Variants in PCDH15 observed in about 807,000 individuals in gnomAD.
PCDH15 encodes protocadherin related 15, also known as protocadherin-15.
PCDH15 carries 129 observed loss-of-function variants against 178.5 expected under a neutral mutation model. The observed-to-expected ratio is 0.72, with a 90% CI of 0.63 to 0.84. PCDH15 has a LOEUF of 0.84. Among genes scored for constraint, PCDH15 ranks in the 40% least tolerant of loss-of-function variants. The pLI, the probability that PCDH15 is intolerant of heterozygous loss-of-function variation, is 0.00. For synonymous variants in PCDH15, 800 were observed against 732.0 expected, an observed-to-expected ratio of 1.09 and a Z score of -1.50; for missense variants, 2,230 against 2,099.9, an observed-to-expected ratio of 1.06 and a Z score of -1.21.
intron 2 of PCDH15, among the ~76,000 whole-genome samples, chr10:55,405,027 CTGAACT>C (rs1224357105): frequency 6.6e-6 from 1 of 151,310 alleles, no homozygotes; most frequent in Non-Finnish European, 1.5e-5. Flanking sequence ...GAAATATGTT[CTGAACT>C]TGAACTTAGC....
intron 1 of PCDH15, among the ~76,000 whole-genome samples, chr10:55,258,464 T>C (rs1842062036): frequency 6.6e-6 from 1 of 152,098 alleles, no homozygotes; most frequent in Non-Finnish European, 1.5e-5. Flanking sequence ...CTTGTCCAAG[T>C]GTACTTTTCT....
In PCDH15 at chr10:54,484,599, C is replaced by T. The variant is rs1031677979; in HGVS notation, c.157+43213G>A. 8.6e-5 allele frequency among the ~76,000 whole-genome samples: 13 copies of T among 151,872 alleles called. 1 individual carries two copies. The highest frequency in any genetic ancestry group is 3.1e-4 in the African/African-American group (13 of 41,490). ...ATAGTAGCTATAAATCAGATACAAG[C>T]CACATTAATGAATTGAGATAAGAAG... On this transcript the variant is annotated intron_variant, in intron 3 of 37. Transcript: ENST00000644397.
chr10:54,586,454 TA>T (rs1490297650), intron 2 of PCDH15, among the ~76,000 whole-genome samples: 2 of 152,162 alleles, frequency 1.3e-5, no homozygotes, highest in Non-Finnish European at 2.9e-5. Flanking sequence ...TAAGGACCTA[TA>T]AAGTACTTGG....
At chr10:53,934,707 C>A (rs143376360) in intron 25 of PCDH15, among the ~76,000 whole-genome samples, 1 of 152,204 alleles carries the variant, frequency 6.6e-6, no homozygotes, top group Non-Finnish European at 1.5e-5. Flanking sequence ...TTTCTACATG[C>A]TTTAATGTCA....
chr10:55,414,770 G>GGTGTGTGT lies in PCDH15; in HGVS notation c.-156+212847_-156+212854dup, dbSNP rs71014486. ...AATTCATATATTATTTCTAACAAGG[G>GGTGTGTGT]GTGTGTGTGTGTGTGTGTGTGTGTG... On this transcript the variant is annotated intron_variant, in intron 2 of 5. Coordinates refer to the PCDH15 transcript ENST00000613346. Among the ~76,000 whole-genome samples, 723 of 146,968 alleles carry GGTGTGTGT rather than the reference G, an allele frequency of 4.9e-3. 13 individuals carry two copies. The highest frequency in any genetic ancestry group is 0.017 in the African/African-American group (679 of 40,040).
rs755450489 is a variant in PCDH15 at position 53,806,684 on chromosome 10, G to A, written c.5118C>T (p.Asn1706=). The part of the protein sequence containing the change: ...VEQESMIDSK[N]IKEALEFHSD... ...TATGAAATTCCAAAGCCTCCTTGATGTTCTTACTGTCAATCATGGACTCCT... is the reference window on the plus strand; with the variant it reads ...TATGAAATTCCAAAGCCTCCTTGATATTCTTACTGTCAATCATGGACTCCT... Residue 1706 remains asparagine, a synonymous_variant, in exon 38 of 38, where the codon AAC becomes AAT. Coordinates refer to ENST00000644397, the MANE Select transcript of PCDH15 (RefSeq NM_001384140.1). The A allele has an allele frequency of 5.0e-6, 8 of 1,613,796 alleles. No individual in the cohort carries two copies. The South Asian group carries it at 8.8e-5, about 18-fold the overall frequency.
intron 3 of PCDH15, among the ~76,000 whole-genome samples, chr10:54,852,417 G>C (rs550251111): frequency 6.6e-6 from 1 of 152,234 alleles, no homozygotes; most frequent in South Asian, 2.1e-4. Flanking sequence ...AAGAGGATAT[G>C]AGATTATGGA....
At chr10:54,990,967 GAA>G (rs66632463) in intron 2 of PCDH15, among the ~76,000 whole-genome samples, 3 of 147,466 alleles carry the variant, frequency 2.0e-5, no homozygotes, top group Non-Finnish European at 3.0e-5. Context: ...AATTTTAAAA[GAA>G]AAAAAAAACA....
At chr10:53,947,904 T>G (rs1008007787) in intron 23 of PCDH15, among the ~76,000 whole-genome samples, 2 of 152,106 alleles carry the variant, frequency 1.3e-5, no homozygotes, top group Non-Finnish European at 2.9e-5. Flanking sequence ...CAATCTAAGG[T>G]GTTTGGTTTT....
intron 20 of PCDH15, among the ~76,000 whole-genome samples, 181 bp from the exon 21 acceptor site, chr10:53,995,946 A>G (rs1430530072): frequency 6.6e-6 from 1 of 152,068 alleles, no homozygotes; most frequent in African/African-American, 2.4e-5. Context: ...GAGTTCTCAT[A>G]CAATATTAAT....
At chr10:54,437,964 T>A (rs1222681468) in intron 3 of PCDH15, among the ~76,000 whole-genome samples, 1 of 152,184 alleles carries the variant, frequency 6.6e-6, no homozygotes, top group African/African-American at 2.4e-5. Flanking sequence ...CCAGCCAATC[T>A]CCAGCTATCT....
intron 1 of PCDH15, among the ~76,000 whole-genome samples, chr10:55,287,283 A>G (rs1176561300): frequency 6.6e-6 from 1 of 152,026 alleles, no homozygotes; most frequent in Non-Finnish European, 1.5e-5. Context: ...TTTTACAACG[A>G]GACTTTGTTA....
chr10:54,652,774 G>C (rs1254916651), intron 2 of PCDH15, among the ~76,000 whole-genome samples: 2 of 152,022 alleles, frequency 1.3e-5, no homozygotes, highest in African/African-American at 4.8e-5. Flanking sequence ...CCTTGATCTT[G>C]GATAATTCCA....
intron 1 of PCDH15, among the ~76,000 whole-genome samples, chr10:54,731,563 T>TATATACACAC: frequency 4.0e-5 from 2 of 49,882 alleles, no homozygotes; most frequent in African/African-American, 6.5e-5. Context: ...TATATATATA[T>TATATACACAC]ACACACACAC....
At chr10:54,838,342 T>A (rs1953357035) in intron 3 of PCDH15, among the ~76,000 whole-genome samples, 1 of 152,118 alleles carries the variant, frequency 6.6e-6, no homozygotes, top group Admixed American at 6.6e-5. Flanking sequence ...GTGAGTCTCA[T>A]GAGATCTGAT....
chr10:55,618,294 C>G (rs1379427609), intron 2 of PCDH15, among the ~76,000 whole-genome samples: 2 of 151,922 alleles, frequency 1.3e-5, no homozygotes, highest in African/African-American at 4.8e-5. Flanking sequence ...TTTTGATTAT[C>G]CTTTCATAGC....
At chr10:55,256,141 G>T (rs1435609737) in intron 1 of PCDH15, among the ~76,000 whole-genome samples, 1 of 152,170 alleles carries the variant, frequency 6.6e-6, no homozygotes, top group East Asian at 1.9e-4. Flanking sequence ...GTGTAAGGAA[G>T]AGATCCAGTT....
chr10:54,631,808 C>T (rs1466532655), intron 2 of PCDH15, among the ~76,000 whole-genome samples: 3 of 151,930 alleles, frequency 2.0e-5, no homozygotes, highest in African/African-American at 7.3e-5. Context: ...CATAAGGAGG[C>T]AGGAAGGAGA....
intron 1 of PCDH15, among the ~76,000 whole-genome samples, chr10:54,682,668 CTTTA>C (rs1351943473): frequency 2.0e-5 from 3 of 152,120 alleles, no homozygotes; most frequent in South Asian, 2.1e-4. Flanking sequence ...TCAGAGAGCC[CTTTA>C]TTTATGCAGG....
Sources: gnomAD v4.1 joint callset for allele counts (sites outside exome capture counted in the v4.1 genomes callset) on GRCh38, gnomAD v4.1.1 for gene constraint, MANE v1.5 for transcripts, NCBI Gene and HGNC (gene_info 2026-07-23, HGNC 2026-07-21) for gene names.